Variants in CATSPERE observed in about 807,000 individuals in gnomAD.
CATSPERE encodes the protein catsper channel auxiliary subunit epsilon.
CATSPERE carries 93 observed loss-of-function variants against 114.1 expected under a neutral mutation model. That is an observed-to-expected ratio of 0.81 (90% CI 0.69 to 0.97). The LOEUF (loss-of-function observed/expected upper bound fraction) is 0.97, where lower values mean the gene tolerates loss of function less well. Ranked by LOEUF, CATSPERE falls within the 50% of genes least tolerant of loss-of-function variation. CATSPERE has a pLI of 0.00. For synonymous variants in CATSPERE, 341 were observed against 384.1 expected, an observed-to-expected ratio of 0.89 and a Z score of 1.31; for missense variants, 1,058 against 1,131.6, an observed-to-expected ratio of 0.93 and a Z score of 0.93.
At chr1:244,521,974 A>G (rs1677649499) in intron 8 of CATSPERE, among the ~76,000 whole-genome samples, 2 of 152,192 alleles carry the variant, frequency 1.3e-5, no homozygotes, top group African/African-American at 2.4e-5. Flanking sequence ...TCAGCTCTGC[A>G]CCAAGCAGAC....
chr1:244,629,044 A>G (rs539747781), intron 20 of CATSPERE, among the ~76,000 whole-genome samples: 5 of 152,298 alleles, frequency 3.3e-5, no homozygotes, highest in Admixed American at 1.3e-4. Context: ...GGGGGTCAGA[A>G]GTTCAATTTC....
chr1:244,552,947 A>G, intron 9 of CATSPERE, 133 bp downstream of exon 9: 2 of 363,942 alleles, frequency 5.5e-6, no homozygotes, highest in Non-Finnish European at 8.7e-6. Context: ...AAGGCTGTAA[A>G]CAGCTCTAAC....
At chr1:244,585,483 G>A (rs1004576127) in intron 13 of CATSPERE, among the ~76,000 whole-genome samples, 4 of 152,190 alleles carry the variant, frequency 2.6e-5, no homozygotes, top group Non-Finnish European at 4.4e-5. Context: ...AAATGTGGCC[G>A]TGTAGAGGCA....
At chr1:244,451,298 A>G (rs1377338825), upstream of CATSPERE, among the ~76,000 whole-genome samples, 3 of 152,150 alleles carry the variant, frequency 2.0e-5, no homozygotes, top group Admixed American at 1.3e-4. This position sits in a 1 kb window ranked among gnomAD's most constrained non-coding sequence, Gnocchi z 6.6. Context: ...CTCGGACCGC[A>G]TCCCACCTCC....
Position 244,504,548 on chromosome 1 carries a change from C to G in CATSPERE, c.429+5469C>G, listed in dbSNP as rs1263078319. On this transcript the variant is annotated intron_variant, in intron 7 of 21. Coordinates refer to ENST00000366534, the MANE Select transcript of CATSPERE (RefSeq NM_001130957.2). This position sits in a 1 kb window ranked among gnomAD's most constrained non-coding sequence, Gnocchi z 4.1. ...GGAATAGCAAATTATATTTAGTTGT[C>G]TTGTCTCTTTACGTTCTTAATTGTG... Among the ~76,000 whole-genome samples, 2 of 152,160 alleles carry G rather than the reference C, an allele frequency of 1.3e-5. No homozygotes were observed. The highest frequency in any genetic ancestry group is 4.8e-5 in the African/African-American group (2 of 41,438).
chr1:244,606,490 TG>T (rs1670021589), intron 18 of CATSPERE, among the ~76,000 whole-genome samples: 1 of 151,066 alleles, frequency 6.6e-6, no homozygotes, highest in African/African-American at 2.4e-5. Flanking sequence ...TCCGAAGTAA[TG>T]TTCTTATCTA....
In CATSPERE at chr1:244,640,330, T is replaced by C. The variant is rs1271316633; in HGVS notation, c.*249T>C. 1.2e-4 allele frequency: 30 copies of C among 252,912 alleles called. 1 individual carries two copies. In the East Asian group the frequency reaches 2.4e-3, roughly 21 times the overall value. 15.7% of individuals were successfully genotyped at this position (252,912 alleles called of 1,614,324 possible). ...ATACTCTATGTACTCTCACATGGCA[T>C]GAAAAAATAAACTAAATTTGACTAT... On this transcript the variant is annotated 3_prime_UTR_variant, in exon 22 of 22. Transcript: ENST00000366534.
intron 4 of CATSPERE, among the ~76,000 whole-genome samples, chr1:244,479,104 T>C (rs1669851309): frequency 6.6e-6 from 1 of 151,544 alleles, no homozygotes; most frequent in African/African-American, 2.4e-5. Flanking sequence ...TTGTTTTTTT[T>C]CCCCTTGAGA....
In CATSPERE at chr1:244,633,939, A is replaced by G. The variant is rs544512577; in HGVS notation, c.2649-1550A>G. Among the ~76,000 whole-genome samples, 10 of 148,242 alleles carry G rather than the reference A, an allele frequency of 6.7e-5. No individual in the cohort carries two copies. The highest frequency in any genetic ancestry group is 1.4e-4 in the Admixed American group (2 of 14,564). On this transcript the variant is annotated intron_variant, in intron 20 of 21. Coordinates refer to ENST00000366534, the MANE Select transcript of CATSPERE (RefSeq NM_001130957.2). The surrounding 1 kb of genome is among the most constrained non-coding windows in gnomAD (Gnocchi z 4.1). ...GAGTGCAGTGGTGCGATCTCCGCTCACTGCAACCTACGCCTCCCGGTTCAA... is the reference window on the plus strand; with the variant it reads ...GAGTGCAGTGGTGCGATCTCCGCTCGCTGCAACCTACGCCTCCCGGTTCAA...
chr1:244,542,007 T>G (rs12756314), intron 8 of CATSPERE, among the ~76,000 whole-genome samples: 2 of 89,504 alleles, frequency 2.2e-5, no homozygotes, highest in Non-Finnish European at 4.0e-5. Flanking sequence ...GGGACTGTTG[T>G]GGGGTGGGGG....
At chr1:244,494,371 A>G (rs1010885134) in intron 6 of CATSPERE, among the ~76,000 whole-genome samples, 4 of 147,636 alleles carry the variant, frequency 2.7e-5, no homozygotes, top group African/African-American at 5.0e-5. Flanking sequence ...CAAACACCGC[A>G]TATTCTCACT....
chr1:244,478,551 A>G (rs1669731253), intron 4 of CATSPERE, among the ~76,000 whole-genome samples: 1 of 152,218 alleles, frequency 6.6e-6, no homozygotes, highest in Non-Finnish European at 1.5e-5. Flanking sequence ...TACAGATACC[A>G]TGTCACCAAT....
chr1:244,470,711 T>C (rs1668340191), intron 2 of CATSPERE, among the ~76,000 whole-genome samples: 1 of 152,170 alleles, frequency 6.6e-6, no homozygotes, highest in South Asian at 2.1e-4. Flanking sequence ...AACTAGTACA[T>C]GAATGTTCAC....
At chr1:244,548,068 G>A (rs554836996) in intron 8 of CATSPERE, among the ~76,000 whole-genome samples, 1 of 152,342 alleles carries the variant, frequency 6.6e-6, no homozygotes, top group South Asian at 2.1e-4. Flanking sequence ...TAAATATGGG[G>A]AAGAAGTATG....
At chr1:244,620,811 T>G (rs1671992750) in intron 20 of CATSPERE, among the ~76,000 whole-genome samples, 1 of 150,882 alleles carries the variant, frequency 6.6e-6, no homozygotes, top group South Asian at 2.1e-4. Context: ...CTAAAGACAC[T>G]CTATCCCCCC....
At chr1:244,583,623 A>G (rs767722000) in intron 12 of CATSPERE, among the ~76,000 whole-genome samples, 6 of 152,116 alleles carry the variant, frequency 3.9e-5, no homozygotes, top group Non-Finnish European at 7.4e-5. Flanking sequence ...CATTAACCCT[A>G]TGGTGGCCAA....
Position 244,607,510 on chromosome 1 carries a change from G to A in CATSPERE, c.2403+1716G>A, listed in dbSNP as rs1348584038. On this transcript the variant is annotated intron_variant, in intron 18 of 21. Transcript: ENST00000366534. The surrounding 1 kb of genome is among the most constrained non-coding windows in gnomAD (Gnocchi z 4.4). ...GGGAAAGTTTCTAAACAGGGACTACGTTTCCCAGATGCATTTGCATCTAGC... is the reference window on the plus strand; with the variant it reads ...GGGAAAGTTTCTAAACAGGGACTACATTTCCCAGATGCATTTGCATCTAGC... Among the ~76,000 whole-genome samples the A allele has an allele frequency of 2.6e-5, 4 of 152,172 alleles. No individual in the cohort carries two copies. The highest frequency in any genetic ancestry group is 2.1e-4 in the South Asian group (1 of 4,838).
At chr1:244,464,947 A>C (rs1023782451) in intron 2 of CATSPERE, among the ~76,000 whole-genome samples, 2 of 137,172 alleles carry the variant, frequency 1.5e-5, no homozygotes, top group African/African-American at 5.8e-5. Flanking sequence ...AACTTTGTTC[A>C]TGGATACTTT....
At chr1:244,611,121 CTTTCAAAATCTTAT>C (rs1218591596) in intron 19 of CATSPERE, among the ~76,000 whole-genome samples, 1 of 152,148 alleles carries the variant, frequency 6.6e-6, no homozygotes, top group African/African-American at 2.4e-5. Flanking sequence ...ACATAGCCTA[CTTTCAAAATCTTAT>C]TTATTTTCTA....
Sources: gnomAD v4.1 joint callset for allele counts (sites outside exome capture counted in the v4.1 genomes callset) on GRCh38, gnomAD v4.1.1 for gene constraint, Gnocchi (gnomAD v3.1) non-coding constraint, MANE v1.5 for transcripts, NCBI Gene and HGNC (gene_info 2026-07-23, HGNC 2026-07-21) for gene names.